The following FMN2 variants were observed in gnomAD, a reference collection of about 807,000 sequenced individuals.
FMN2 encodes the protein formin 2.
FMN2 carries 51 observed loss-of-function variants against 142.3 expected under a neutral mutation model. The observed-to-expected ratio is 0.36, with a 90% CI of 0.29 to 0.45. FMN2 has a LOEUF of 0.45. Among genes scored for constraint, FMN2 ranks in the 20% least tolerant of loss-of-function variants. FMN2 has a pLI of 1.00. For synonymous variants in FMN2, 882 were observed against 869.8 expected, an observed-to-expected ratio of 1.01 and a Z score of -0.25; for missense variants, 1,936 against 2,122.8, an observed-to-expected ratio of 0.91 and a Z score of 1.73.
At chr1:240,332,510 A>C (rs910247949) in intron 11 of FMN2, among the ~76,000 whole-genome samples, 1 of 152,162 alleles carries the variant, frequency 6.6e-6, no homozygotes, top group Non-Finnish European at 1.5e-5. Flanking sequence ...ATAGAAATGA[A>C]CTGGAAATAG....
At chr1:240,257,257 G>A (rs2102896282) in intron 6 of FMN2, among the ~76,000 whole-genome samples, 1 of 152,272 alleles carries the variant, frequency 6.6e-6, no homozygotes, top group Middle Eastern at 3.4e-3. Flanking sequence ...ATGGGATCGT[G>A]TGCCCTGATT....
At chr1:240,371,066 G>A (rs1346346630) in intron 14 of FMN2, among the ~76,000 whole-genome samples, 1 of 152,082 alleles carries the variant, frequency 6.6e-6, no homozygotes, top group African/African-American at 2.4e-5. Context: ...AGCCTCCTGA[G>A]TAGCTGGGAT....
chr1:240,383,069 A>G (rs981110890), intron 14 of FMN2, among the ~76,000 whole-genome samples: 1 of 152,178 alleles, frequency 6.6e-6, no homozygotes, highest in Non-Finnish European at 1.5e-5. Context: ...TATGTAAAAC[A>G]ATGGAACTGG....
intron 16 of FMN2, among the ~76,000 whole-genome samples, chr1:240,447,840 A>G (rs550978782): frequency 3.3e-5 from 5 of 152,332 alleles, no homozygotes; most frequent in Non-Finnish European, 7.3e-5. Flanking sequence ...GTTGACGTTC[A>G]CTTTCAGTGA....
intron 15 of FMN2, among the ~76,000 whole-genome samples, chr1:240,424,263 G>T (rs1456644354): frequency 6.6e-6 from 1 of 152,112 alleles, no homozygotes; most frequent in African/African-American, 2.4e-5. Flanking sequence ...CAGGGAAAAA[G>T]ATTATATTTT....
intron 6 of FMN2, among the ~76,000 whole-genome samples, chr1:240,215,587 C>T (rs1284231590): frequency 6.6e-6 from 1 of 152,072 alleles, no homozygotes; most frequent in African/African-American, 2.4e-5. Context: ...GAATTAAATA[C>T]TTTAAAAAAA....
intron 13 of FMN2, among the ~76,000 whole-genome samples, chr1:240,337,213 T>TC (rs1671596048): frequency 7.0e-6 from 1 of 142,494 alleles, no homozygotes; most frequent in Non-Finnish European, 1.5e-5. Flanking sequence ...CTTTTTTTTT[T>TC]TTTTTTTTTT....
chr1:240,315,280 A>G (rs1670739516), intron 8 of FMN2, among the ~76,000 whole-genome samples: 2 of 152,230 alleles, frequency 1.3e-5, no homozygotes, highest in South Asian at 2.1e-4. Context: ...AACCTTGGTT[A>G]TGACTAAAGC....
At chr1:240,116,301 G>A (rs1662019523) in intron 1 of FMN2, among the ~76,000 whole-genome samples, 1 of 152,116 alleles carries the variant, frequency 6.6e-6, no homozygotes, top group South Asian at 2.1e-4. Flanking sequence ...TCCATACTCT[G>A]TTAGTGCGTT....
chr1:240,284,882 G>A (rs1284163609), intron 7 of FMN2, among the ~76,000 whole-genome samples: 1 of 152,092 alleles, frequency 6.6e-6, no homozygotes, highest in Non-Finnish European at 1.5e-5. Context: ...TATGGTCAGA[G>A]GGAGTACGTG....
chr1:240,337,257 G>A (rs1671598731), intron 13 of FMN2, among the ~76,000 whole-genome samples: 1 of 141,224 alleles, frequency 7.1e-6, no homozygotes, highest in Non-Finnish European at 1.5e-5. Context: ...CACCCAGGCT[G>A]GAGTGCAGTG....
At chr1:240,253,437 G>A (rs1462761728) in intron 6 of FMN2, among the ~76,000 whole-genome samples, 6 of 152,046 alleles carry the variant, frequency 3.9e-5, no homozygotes, top group Non-Finnish European at 8.8e-5. Flanking sequence ...CAGAATTTCT[G>A]TTTGGTTCTT....
At chr1:240,226,679 T>A (rs1443286978) in intron 6 of FMN2, among the ~76,000 whole-genome samples, 4 of 152,162 alleles carry the variant, frequency 2.6e-5, no homozygotes, top group Admixed American at 2.0e-4. Flanking sequence ...CAGTGAGCTA[T>A]GATCGTGCCA....
rs114547228 is a variant in FMN2 at position 240,416,856 on chromosome 1, T to C, written c.4911-21205T>C. On this transcript the variant is annotated intron_variant, in intron 15 of 17. Transcript: ENST00000319653. Reference sequence around the variant, plus strand: ...TTCTGCATCCTGTCTCTCCTGGCTTTGTCCGTTGTATGAATAGTTCATTTA... The same window carrying C: ...TTCTGCATCCTGTCTCTCCTGGCTTCGTCCGTTGTATGAATAGTTCATTTA... Among the ~76,000 whole-genome samples the C allele has an allele frequency of 8.7e-3, 1,317 of 152,166 alleles. 7 individuals are homozygous for C. Among genetic ancestry groups the C allele is most frequent in the Non-Finnish European group, 0.014 (985 of 68,010 alleles).
chr1:240,153,964 A>G (rs1034815776), intron 2 of FMN2, among the ~76,000 whole-genome samples: 2 of 151,844 alleles, frequency 1.3e-5, no homozygotes, highest in African/African-American at 4.8e-5. Flanking sequence ...GAAAATACAA[A>G]AATCAGCCAG....
At chr1:240,196,757 C>T (rs1183607373) in intron 4 of FMN2, among the ~76,000 whole-genome samples, 1 of 152,152 alleles carries the variant, frequency 6.6e-6, no homozygotes, top group Non-Finnish European at 1.5e-5. Context: ...AGGCGAACCG[C>T]CGGCCTCGAC....
chr1:240,130,656 GT>G (rs1662698408), intron 2 of FMN2, among the ~76,000 whole-genome samples: 1 of 152,164 alleles, frequency 6.6e-6, no homozygotes, highest in Non-Finnish European at 1.5e-5. Context: ...CCCATATTTA[GT>G]TTAGTTTACA....
In FMN2 at chr1:240,452,061, C is replaced by G. The variant is rs567594020; in HGVS notation, c.5060+13851C>G. Among the ~76,000 whole-genome samples the G allele has an allele frequency of 2.5e-4, 38 of 152,044 alleles. No homozygotes were observed. The East Asian group carries it at 2.9e-3, about 12-fold the overall frequency. On this transcript the variant is annotated intron_variant, in intron 16 of 17. Transcript: ENST00000319653. ...AAAAAATTAGCCAGGTGTGGTGGCA[C>G]TCACCTGTAGTCCCAGCTACTCAGG...
At chr1:240,441,134 A>G (rs537362324) in intron 16 of FMN2, among the ~76,000 whole-genome samples, 1 of 151,722 alleles carries the variant, frequency 6.6e-6, no homozygotes, top group African/African-American at 2.4e-5. Context: ...AGCTGAGACT[A>G]CAGGTGCCCG....
Sources: allele counts gnomAD v4.1 joint callset (sites outside exome capture counted in the v4.1 genomes callset), GRCh38; gene constraint gnomAD v4.1.1; transcripts MANE v1.5; gene names NCBI Gene and HGNC (gene_info 2026-07-23, HGNC 2026-07-21).